PCDH11X: variants seen among roughly 807,000 people sequenced by gnomAD.
The protein encoded by PCDH11X is protocadherin 11 X-linked, also known as protocadherin-11 X-linked.
PCDH11X carries 18 observed loss-of-function variants against 53.3 expected under a neutral mutation model. The observed-to-expected ratio is 0.34, with a 90% CI of 0.23 to 0.50. The LOEUF is 0.50. PCDH11X is among the 20% of genes least tolerant of loss of function. The pLI is 0.98. For missense variants in PCDH11X, 570 were observed against 1,032.4 expected (o/e 0.55, Z 6.14); for synonymous variants, 279 against 393.3 (o/e 0.71, Z 3.44).
chrX:92,114,052 C>T lies in PCDH11X; in HGVS notation c.3034-87323C>T, dbSNP rs757999704. The stretch of plus-strand genomic sequence containing the variant: ...CTGCACCTCAGCACGCACATTGGTG[C>T]CCCTGATACAGGCATGACAGGAGGC... On this transcript the variant is annotated intron_variant, in intron 6 of 10. Transcript: ENST00000682573. 4,308 of 1,188,269 alleles carry T rather than the reference C, an allele frequency of 3.6e-3. 6 individuals carry two copies. Among genetic ancestry groups the T allele is most frequent in the Non-Finnish European group, 4.3e-3 (3,788 of 877,144 alleles).
chrX:92,478,143 T>C (rs1349904447), intron 10 of PCDH11X, among the ~76,000 whole-genome samples: 4 of 111,422 alleles, frequency 3.6e-5, no homozygotes, highest in Non-Finnish European at 5.6e-5. Flanking sequence ...AGAAGGTACT[T>C]GCTTCCCCTT....
At chrX:92,595,279 A>G (rs1328845920) in intron 10 of PCDH11X, among the ~76,000 whole-genome samples, 2 of 110,270 alleles carry the variant, frequency 1.8e-5, no homozygotes, top group African/African-American at 3.3e-5. Context: ...AAAAAGCCCA[A>G]ATTATCTTGG....
At chrX:91,927,793 A>G (rs765736460) in intron 6 of PCDH11X, among the ~76,000 whole-genome samples, 94 of 111,368 alleles carry the variant, frequency 8.4e-4, no homozygotes, top group African/African-American at 3.0e-3. Context: ...TCATTCTGAA[A>G]GAGGCAATGT....
At chrX:92,340,492 C>T (rs2755382) in intron 8 of PCDH11X, among the ~76,000 whole-genome samples, 7 of 112,242 alleles carry the variant, frequency 6.2e-5, no homozygotes, top group African/African-American at 9.7e-5. Flanking sequence ...TCTAGGCAGA[C>T]GATCCCAAGC....
At chrX:92,291,925 A>C (rs2148458275) in intron 8 of PCDH11X, among the ~76,000 whole-genome samples, 1 of 111,247 alleles carries the variant, frequency 9.0e-6, no homozygotes, top group South Asian at 3.7e-4. Flanking sequence ...AAAAGCAAAA[A>C]ATAATTAAAA....
chrX:92,591,121 C>T (rs1195717538), intron 10 of PCDH11X, among the ~76,000 whole-genome samples: 2 of 111,606 alleles, frequency 1.8e-5, no homozygotes, highest in South Asian at 3.7e-4. Flanking sequence ...TGAGGTTTCC[C>T]CATGCAGCCC....
At chrX:91,838,144 T>C (rs1937372319) in intron 5 of PCDH11X, among the ~76,000 whole-genome samples, 1 of 111,820 alleles carries the variant, frequency 8.9e-6, no homozygotes, top group African/African-American at 3.2e-5. Flanking sequence ...TTAGGGCAGC[T>C]TAATGAACTT....
intron 10 of PCDH11X, among the ~76,000 whole-genome samples, chrX:92,523,905 A>G (rs1474744158): frequency 9.3e-6 from 1 of 107,680 alleles, no homozygotes; most frequent in Non-Finnish European, 1.9e-5. Context: ...AATTTTTAGC[A>G]TTTTTTTTCA....
intron 1 of PCDH11X, among the ~76,000 whole-genome samples, chrX:91,794,378 T>C (rs1327456599): frequency 9.0e-6 from 1 of 111,610 alleles, no homozygotes; most frequent in Non-Finnish European, 1.9e-5. Flanking sequence ...CTTTTCACCA[T>C]TGCCATGTAG....
At position 92,565,292 on chromosome X, in the gene PCDH11X, CA is replaced by C. The variant is rs752903172; in HGVS notation, c.3368-52968del. 2.0e-4 allele frequency among the ~76,000 whole-genome samples: 19 copies of C among 93,173 alleles called. No homozygotes were observed. The East Asian group carries it at 3.7e-3, about 18-fold the overall frequency. The allele number at this position is 93,173 out of a possible 115,157, so 80.9% of individuals were successfully genotyped here. ...GCAATTCTACTGCTGGGTACACACC[CA>C]AAAGAATGAAAACTAGTATATCTAA... On this transcript the variant is annotated intron_variant, in intron 10 of 10. Coordinates refer to ENST00000682573, the MANE Select transcript of PCDH11X (RefSeq NM_032968.5).
At chrX:92,274,508 C>A (rs1037034631) in intron 8 of PCDH11X, among the ~76,000 whole-genome samples, 10 of 111,050 alleles carry the variant, frequency 9.0e-5, no homozygotes, top group Non-Finnish European at 1.5e-4. Flanking sequence ...AGGACTCTAC[C>A]TGTCCAGTGA....
At chrX:91,908,718 T>C (rs1941272789) in intron 6 of PCDH11X, among the ~76,000 whole-genome samples, 1 of 108,570 alleles carries the variant, frequency 9.2e-6, no homozygotes, top group South Asian at 4.1e-4. Flanking sequence ...GGCAGGAGCA[T>C]TGCTTGAACC....
chrX:92,296,481 A>G (rs1445311479), intron 8 of PCDH11X, among the ~76,000 whole-genome samples: 2 of 108,209 alleles, frequency 1.8e-5, no homozygotes, highest in East Asian at 5.9e-4. Flanking sequence ...TCCCACTTAT[A>G]AGTGAGAACA....
At chrX:92,235,906 G>A (rs949499527) in intron 7 of PCDH11X, among the ~76,000 whole-genome samples, 8 of 110,736 alleles carry the variant, frequency 7.2e-5, no homozygotes, top group African/African-American at 2.0e-4. Context: ...ATGTTATCAC[G>A]GTATTGAACT....
At chrX:92,165,298 T>A (rs1406332033) in intron 6 of PCDH11X, among the ~76,000 whole-genome samples, 1 of 111,892 alleles carries the variant, frequency 8.9e-6, no homozygotes, top group Non-Finnish European at 1.9e-5. Flanking sequence ...AGCAGTCTCC[T>A]TGTATATTTT....
At chrX:92,041,963 C>T (rs779968348) in intron 6 of PCDH11X, among the ~76,000 whole-genome samples, 3 of 111,389 alleles carry the variant, frequency 2.7e-5, no homozygotes, top group Non-Finnish European at 3.8e-5. Context: ...AGCGAGACTC[C>T]GTCTCAAAAA....
intron 6 of PCDH11X, among the ~76,000 whole-genome samples, chrX:91,994,808 G>A (rs898918501): frequency 3.7e-4 from 41 of 110,900 alleles, no homozygotes; most frequent in Middle Eastern, 9.3e-3. Context: ...GCTAACAATT[G>A]ATGTTTTTAC....
At chrX:92,138,932 AC>A (rs2065128111) in intron 6 of PCDH11X, among the ~76,000 whole-genome samples, 1 of 109,754 alleles carries the variant, frequency 9.1e-6, no homozygotes, top group Admixed American at 1.0e-4. Context: ...TATGTTTCTT[AC>A]CACCAATTTT....
intron 8 of PCDH11X, among the ~76,000 whole-genome samples, chrX:92,310,907 G>A (rs1474599830): frequency 2.7e-5 from 3 of 111,731 alleles, no homozygotes; most frequent in Non-Finnish European, 5.6e-5. Flanking sequence ...CTGAAACTCT[G>A]AGTAAAATAA....
Sources: gnomAD v4.1 joint callset for allele counts (sites outside exome capture counted in the v4.1 genomes callset) on GRCh38, gnomAD v4.1.1 for gene constraint, MANE v1.5 for transcripts, NCBI Gene and HGNC (gene_info 2026-07-23, HGNC 2026-07-21) for gene names.